The following KCNH5 variants were observed in gnomAD, a reference collection of about 807,000 sequenced individuals.
KCNH5 encodes the protein voltage-gated delayed rectifier potassium channel KCNH5.
In KCNH5, 46 loss-of-function variants were observed where a neutral mutation model predicts 96.1. The observed-to-expected ratio is 0.48, with a 90% CI of 0.38 to 0.61. The LOEUF (loss-of-function observed/expected upper bound fraction) is 0.61, where lower values mean the gene tolerates loss of function less well. KCNH5 is among the 20% of genes least tolerant of loss of function. The probability of loss-of-function intolerance (pLI) is 0.00; values close to 1 mark genes in which losing one functional copy is unlikely to be tolerated. For synonymous variants in KCNH5, 439 were observed against 449.8 expected (o/e 0.98, Z 0.30); for missense variants, 907 against 1,225.8 (o/e 0.74, Z 3.88).
At chr14:62,950,593 A>C in intron 6 of KCNH5, 34 bp from the exon 7 acceptor site, 1 of 1,473,606 alleles carries the variant, frequency 6.8e-7, no homozygotes, top group Non-Finnish European at 9.0e-7. Context: ...ATTACACCAC[A>C]TTTTCAGGAA....
At chr14:62,714,698 T>G (rs924356670) in intron 10 of KCNH5, among the ~76,000 whole-genome samples, 2 of 152,232 alleles carry the variant, frequency 1.3e-5, no homozygotes, top group Admixed American at 1.3e-4. Context: ...AGAGTTCAAC[T>G]TGTATGAATT....
At chr14:62,832,237 C>T (rs1468269660) in intron 8 of KCNH5, among the ~76,000 whole-genome samples, 1 of 152,144 alleles carries the variant, frequency 6.6e-6, no homozygotes, top group African/African-American at 2.4e-5. Flanking sequence ...CAGCAGTTCT[C>T]TAGAACTTAA....
intron 7 of KCNH5, among the ~76,000 whole-genome samples, chr14:62,907,360 C>G (rs904691489): frequency 6.6e-6 from 1 of 152,172 alleles, no homozygotes; most frequent in Non-Finnish European, 1.5e-5. Context: ...GTTTATGATG[C>G]CTGTCACTCT....
chr14:62,902,878 C>T (rs746141670), intron 7 of KCNH5, among the ~76,000 whole-genome samples: 5 of 152,008 alleles, frequency 3.3e-5, no homozygotes, highest in South Asian at 2.1e-4. Context: ...GCCACCACCC[C>T]TGGCTAATTT....
chr14:62,841,457 TGCA>T (rs1194773697), intron 8 of KCNH5, among the ~76,000 whole-genome samples: 2 of 152,232 alleles, frequency 1.3e-5, no homozygotes, highest in Admixed American at 1.3e-4. Context: ...TAACACTGTC[TGCA>T]GCATGTGGAA....
intron 8 of KCNH5, among the ~76,000 whole-genome samples, chr14:62,803,021 C>CA (rs1428630926): frequency 6.6e-6 from 1 of 152,046 alleles, no homozygotes; most frequent in Non-Finnish European, 1.5e-5. Context: ...CGTGGTGGTG[C>CA]ATGCCTGTAG....
chr14:62,753,408 A>C (rs1342005796), intron 10 of KCNH5, among the ~76,000 whole-genome samples: 1 of 152,216 alleles, frequency 6.6e-6, no homozygotes, highest in Non-Finnish European at 1.5e-5. Flanking sequence ...AGGTAGAGAG[A>C]CAGAGGAATA....
intron 2 of KCNH5, among the ~76,000 whole-genome samples, chr14:63,011,298 C>T (rs12147350): frequency 0.29 from 43,914 of 151,600 alleles, 7,642 homozygotes; most frequent in East Asian, 0.58. Context: ...GCCTGGCCAG[C>T]TGAAACCCCA....
In KCNH5 at chr14:63,016,304, C is replaced by T. The variant is rs1891325548; in HGVS notation, c.197+527G>A. Among the ~76,000 whole-genome samples the T allele has an allele frequency of 2.0e-5, 3 of 151,892 alleles. 1 individual carries two copies. In the South Asian group the frequency reaches 6.2e-4, roughly 31 times the overall value. ...AGAAATGGCATATTTGTTTAAAGAA[C>T]CATTATAATAATATAAATGTCAGAT... On this transcript the variant is annotated intron_variant, in intron 2 of 10. Coordinates refer to ENST00000322893, the MANE Select transcript of KCNH5 (RefSeq NM_139318.5).
At chr14:62,743,343 T>G (rs1216893173) in intron 10 of KCNH5, among the ~76,000 whole-genome samples, 1 of 152,210 alleles carries the variant, frequency 6.6e-6, no homozygotes, top group Non-Finnish European at 1.5e-5. Flanking sequence ...TGAAAACCAC[T>G]GTTCTAGGTC....
chr14:62,750,342 A>T (rs2139944166), intron 10 of KCNH5, among the ~76,000 whole-genome samples: 1 of 152,342 alleles, frequency 6.6e-6, no homozygotes, highest in Middle Eastern at 3.4e-3. Context: ...TTTTCCACTG[A>T]TTAGCACCTG....
At chr14:62,828,724 A>G (rs1887279317) in intron 8 of KCNH5, among the ~76,000 whole-genome samples, 1 of 152,040 alleles carries the variant, frequency 6.6e-6, no homozygotes, top group South Asian at 2.1e-4. Context: ...GGGGACACAG[A>G]CCCAAAGCAT....
intron 10 of KCNH5, among the ~76,000 whole-genome samples, chr14:62,731,537 C>G (rs986669039): frequency 6.6e-6 from 1 of 151,988 alleles, no homozygotes; most frequent in Non-Finnish European, 1.5e-5. Context: ...CAATTTTCTA[C>G]TAAAATTTGA....
intron 8 of KCNH5, among the ~76,000 whole-genome samples, chr14:62,847,017 G>T (rs1033519777): frequency 1.3e-5 from 2 of 149,034 alleles, no homozygotes; most frequent in Non-Finnish European, 3.0e-5. Flanking sequence ...AGCCAGGATG[G>T]TCTCAATCTC....
At chr14:62,985,701 T>C (rs546847961) in intron 5 of KCNH5, among the ~76,000 whole-genome samples, 9 of 152,280 alleles carry the variant, frequency 5.9e-5, no homozygotes, top group African/African-American at 2.2e-4. Flanking sequence ...CAGGGTAACA[T>C]CGTCTAGTCA....
intron 7 of KCNH5, among the ~76,000 whole-genome samples, chr14:62,888,696 C>T (rs1481155201): frequency 6.6e-6 from 1 of 152,098 alleles, no homozygotes; most frequent in Non-Finnish European, 1.5e-5. Flanking sequence ...AGTTTCTGTG[C>T]ATATGTTGAC....
intron 8 of KCNH5, among the ~76,000 whole-genome samples, chr14:62,846,886 C>T (rs568029673): frequency 5.5e-5 from 8 of 144,370 alleles, no homozygotes; most frequent in African/African-American, 1.8e-4. Flanking sequence ...CTGCAAGCTC[C>T]GCCTCCCGGG....
chr14:62,965,491 T>C (rs894337270), intron 6 of KCNH5, among the ~76,000 whole-genome samples: 2 of 152,160 alleles, frequency 1.3e-5, no homozygotes, highest in African/African-American at 4.8e-5. Flanking sequence ...TGATGCAGCA[T>C]GAAAACCCTC....
intron 9 of KCNH5, among the ~76,000 whole-genome samples, chr14:62,793,462 A>G (rs1035074824): frequency 2.0e-5 from 3 of 151,840 alleles, no homozygotes; most frequent in East Asian, 1.9e-4. Context: ...TTATACCTCA[A>G]TAAAGGTGTG....
Sources: allele counts gnomAD v4.1 joint callset (sites outside exome capture counted in the v4.1 genomes callset), GRCh38; gene constraint gnomAD v4.1.1; transcripts MANE v1.5; gene names NCBI Gene and HGNC (gene_info 2026-07-23, HGNC 2026-07-21).